Variants in HS3ST3B1 observed in about 807,000 individuals in gnomAD.
HS3ST3B1 encodes the protein heparan sulfate glucosamine 3-O-sulfotransferase 3B1.
A neutral mutation model predicts 21.3 loss-of-function variants in HS3ST3B1; 13 were observed. The ratio of observed to expected loss-of-function variants is 0.61; its 90% CI spans 0.40 to 0.97. The LOEUF (loss-of-function observed/expected upper bound fraction) is 0.97, where lower values mean the gene tolerates loss of function less well. Among genes scored for constraint, HS3ST3B1 ranks in the 50% least tolerant of loss-of-function variants. HS3ST3B1 has a pLI of 0.00. For missense variants in HS3ST3B1, 459 were observed against 554.8 expected, an observed-to-expected ratio of 0.83 and a Z score of 1.73; for synonymous variants, 234 against 254.8, an observed-to-expected ratio of 0.92 and a Z score of 0.78.
chr17:14,309,423 G>A (rs1423776948), intron 1 of HS3ST3B1, among the ~76,000 whole-genome samples: 1 of 152,228 alleles, frequency 6.6e-6, no homozygotes, highest in Non-Finnish European at 1.5e-5. Context: ...GAGCCTGGCT[G>A]AGCGGCCCGC....
Position 14,301,975 on chromosome 17 carries a change from C to T in HS3ST3B1, c.457C>T (p.Leu153=). 6.2e-7 allele frequency: 1 copy of T among 1,609,220 alleles called. No individual in the cohort carries two copies. Among genetic ancestry groups the T allele is most frequent in the Non-Finnish European group, 8.5e-7 (1 of 1,178,600 alleles). Residue 153 remains leucine (L), a synonymous_variant, in exon 1 of 2, where the codon CTG becomes TTG. Transcript: ENST00000360954. The part of the protein sequence containing the change: ...IGVKKGGTRA[L]LEFLRVHPDV... Reference sequence around the variant, plus strand: ...CGTGAAGAAGGGCGGCACGCGGGCGCTGCTGGAGTTTCTGCGCGTGCACCC... The same window carrying T: ...CGTGAAGAAGGGCGGCACGCGGGCGTTGCTGGAGTTTCTGCGCGTGCACCC...
rs919737673 is a variant in HS3ST3B1 at position 14,346,545 on chromosome 17, C to T, written c.*899C>T. ...GATTATAGGCGTGAGCCACTGCGCCCGCTATCCACATCCTTCTAGAGTCAG... is the reference window on the plus strand; with the variant it reads ...GATTATAGGCGTGAGCCACTGCGCCTGCTATCCACATCCTTCTAGAGTCAG... On this transcript the variant is annotated 3_prime_UTR_variant, in exon 2 of 2. Coordinates refer to ENST00000360954, the MANE Select transcript of HS3ST3B1 (RefSeq NM_006041.3). The T allele has an allele frequency of 2.0e-5, 3 of 152,284 alleles. No homozygotes were observed. Among genetic ancestry groups the T allele is most frequent in the South Asian group, 2.1e-4 (1 of 4,832 alleles). The allele number at this position is 152,284 out of a possible 1,614,324, so 9.4% of individuals were successfully genotyped here.
intron 1 of HS3ST3B1, among the ~76,000 whole-genome samples, chr17:14,339,337 TC>T (rs1353469770): frequency 1.3e-5 from 2 of 152,140 alleles, no homozygotes; most frequent in Admixed American, 1.3e-4. Flanking sequence ...TCGGCAGTGA[TC>T]TGATTAACAC....
intron 1 of HS3ST3B1, among the ~76,000 whole-genome samples, chr17:14,341,787 G>C (rs1910392617): frequency 6.6e-6 from 1 of 152,162 alleles, no homozygotes; most frequent in Non-Finnish European, 1.5e-5. Context: ...TTAATGTCTT[G>C]TAAACTGTCT....
At chr17:14,313,055 C>G (rs1461735206) in intron 1 of HS3ST3B1, among the ~76,000 whole-genome samples, 1 of 132,902 alleles carries the variant, frequency 7.5e-6, no homozygotes, top group Non-Finnish European at 1.6e-5. Flanking sequence ...CAGACGCCCA[C>G]CACACCACAC....
chr17:14,323,577 C>CTT (rs111916469), intron 1 of HS3ST3B1, among the ~76,000 whole-genome samples: 52 of 147,950 alleles, frequency 3.5e-4, no homozygotes, highest in East Asian at 9.9e-4. Flanking sequence ...GTTTTATGTG[C>CTT]TTTTTTTTTT....
At chr17:14,306,639 G>C (rs1282511290) in intron 1 of HS3ST3B1, among the ~76,000 whole-genome samples, 1 of 152,162 alleles carries the variant, frequency 6.6e-6, no homozygotes, top group East Asian at 1.9e-4. Context: ...CAAATGCTGA[G>C]AAAACAAAAT....
intron 1 of HS3ST3B1, among the ~76,000 whole-genome samples, chr17:14,320,120 C>A (rs1304066446): frequency 6.6e-6 from 1 of 152,078 alleles, no homozygotes; most frequent in South Asian, 2.1e-4. Context: ...TTAGAAAAAC[C>A]CTGACTGCTT....
chr17:14,332,374 G>T (rs1360404266), intron 1 of HS3ST3B1, among the ~76,000 whole-genome samples: 1 of 151,838 alleles, frequency 6.6e-6, no homozygotes, highest in Non-Finnish European at 1.5e-5. Flanking sequence ...TAACACGTTG[G>T]TCTGAAGTAC....
intron 1 of HS3ST3B1, among the ~76,000 whole-genome samples, chr17:14,311,399 G>A (rs1044722242): frequency 6.6e-6 from 1 of 152,106 alleles, no homozygotes; most frequent in Non-Finnish European, 1.5e-5. Flanking sequence ...TTTTAGAGCC[G>A]TTTTAGGTTC....
Position 14,346,310 on chromosome 17 carries a change from T to C in HS3ST3B1, c.*664T>C, listed in dbSNP as rs1363462496. ...TCTTGTTGCCCAGGCTGGGGCGTAA[T>C]GGTGTGATATATGCTTACCACAACC... On this transcript the variant is annotated 3_prime_UTR_variant, in exon 2 of 2. Coordinates refer to ENST00000360954, the MANE Select transcript of HS3ST3B1 (RefSeq NM_006041.3). 1 of 138,512 alleles carries C rather than the reference T, an allele frequency of 7.2e-6. No individual in the cohort carries two copies. The highest frequency in any genetic ancestry group is 2.7e-5 in the African/African-American group (1 of 36,444). The allele number at this position is 138,512 out of a possible 1,614,324, so 8.6% of individuals were successfully genotyped here. A position where few individuals can be genotyped will look rare whatever the true frequency, so the allele number is the denominator to read the frequency against.
intron 1 of HS3ST3B1, among the ~76,000 whole-genome samples, chr17:14,322,102 G>T (rs1345881023): frequency 6.6e-6 from 1 of 150,962 alleles, no homozygotes; most frequent in Non-Finnish European, 1.5e-5. Flanking sequence ...GATAGGAAAA[G>T]AAGACAAAAA....
At chr17:14,322,073 C>CTT (rs143339204) in intron 1 of HS3ST3B1, among the ~76,000 whole-genome samples, 30 of 146,612 alleles carry the variant, frequency 2.0e-4, no homozygotes, top group African/African-American at 6.8e-4. Flanking sequence ...AAACCCAAAC[C>CTT]TTTTTTTTTT....
chr17:14,313,780 G>C (rs1025426804), intron 1 of HS3ST3B1, among the ~76,000 whole-genome samples: 1 of 151,918 alleles, frequency 6.6e-6, no homozygotes, highest in African/African-American at 2.4e-5. Flanking sequence ...ATGTTGCTCA[G>C]GCTGGTCTCG....
In HS3ST3B1 at chr17:14,301,536, T is replaced by A; in HGVS notation, c.18T>A (p.Ser6Arg). 6.4e-7 allele frequency: 1 copy of A among 1,573,142 alleles called. No homozygotes were observed. The highest frequency in any genetic ancestry group is 8.6e-7 in the Non-Finnish European group (1 of 1,168,056). MGQRLSGGRSCLDVPG... is the reference protein window; with the variant it reads MGQRLRGGRSCLDVPG... ...GGCAGCGCATGGGGCAGCGCCTGAGTGGCGGCAGATCTTGCCTCGATGTCC... is the reference window on the plus strand; with the variant it reads ...GGCAGCGCATGGGGCAGCGCCTGAGAGGCGGCAGATCTTGCCTCGATGTCC... Residue 6 changes from serine to arginine, a missense_variant, in exon 1 of 2, where the codon AGT (serine) becomes AGA (arginine). Transcript: ENST00000360954.
At chr17:14,330,672 A>T (rs12453663) in intron 1 of HS3ST3B1, among the ~76,000 whole-genome samples, 61,576 of 151,446 alleles carry the variant, frequency 0.41, 12,629 homozygotes, top group African/African-American at 0.44. Flanking sequence ...GGTGAAGGCC[A>T]GTTTACAAAC....
At chr17:14,326,151 G>T (rs1335562124) in intron 1 of HS3ST3B1, among the ~76,000 whole-genome samples, 1 of 152,168 alleles carries the variant, frequency 6.6e-6, no homozygotes, top group African/African-American at 2.4e-5. Flanking sequence ...GGTCCAGAAA[G>T]AATAGTCCAG....
At chr17:14,309,702 T>G (rs542247587) in intron 1 of HS3ST3B1, among the ~76,000 whole-genome samples, 84 of 152,300 alleles carry the variant, frequency 5.5e-4, no homozygotes, top group Admixed American at 2.9e-3. Context: ...CCTCTCTCTT[T>G]GTCCTGTCTG....
Position 14,301,445 on chromosome 17 carries a change from T to C in HS3ST3B1, c.-74T>C. The C allele has an allele frequency of 7.6e-7, 1 of 1,322,158 alleles. No homozygotes were observed. Among genetic ancestry groups the C allele is most frequent in the Non-Finnish European group, 9.8e-7 (1 of 1,021,764 alleles). 81.9% of individuals were successfully genotyped at this position (1,322,158 alleles called of 1,614,324 possible). On this transcript the variant is annotated 5_prime_UTR_variant, in exon 1 of 2. Coordinates refer to ENST00000360954, the MANE Select transcript of HS3ST3B1 (RefSeq NM_006041.3). ...GGGCGTCCAGCGTGCCGGGGAACCCTCTCTGCGCTCACTGCCCGGCGGGAC... is the reference window on the plus strand; with the variant it reads ...GGGCGTCCAGCGTGCCGGGGAACCCCCTCTGCGCTCACTGCCCGGCGGGAC...
Sources: allele counts gnomAD v4.1 joint callset (sites outside exome capture counted in the v4.1 genomes callset), GRCh38; gene constraint gnomAD v4.1.1; transcripts MANE v1.5; gene names NCBI Gene and HGNC (gene_info 2026-07-23, HGNC 2026-07-21).